GRIK2: variants seen among roughly 807,000 people sequenced by gnomAD.
GRIK2 encodes the protein glutamate receptor ionotropic, kainate 2.
Under a neutral mutation model 100.3 loss-of-function variants are expected in GRIK2, and 32 were observed. The ratio of observed to expected loss-of-function variants is 0.32; its 90% CI spans 0.24 to 0.43. GRIK2 has a LOEUF of 0.43. Among genes scored for constraint, GRIK2 ranks in the 20% least tolerant of loss-of-function variants. The pLI is 1.00. For missense variants in GRIK2, 843 were observed against 1,114.9 expected, an observed-to-expected ratio of 0.76 and a Z score of 3.47; for synonymous variants, 417 against 389.4, an observed-to-expected ratio of 1.07 and a Z score of -0.83.
At chr6:101,576,747 TGA>T (rs1777808429) in intron 2 of GRIK2, among the ~76,000 whole-genome samples, 1 of 152,044 alleles carries the variant, frequency 6.6e-6, no homozygotes, top group Non-Finnish European at 1.5e-5. Flanking sequence ...TCTGTGTAAA[TGA>T]GGAGAATTGC....
At chr6:101,473,726 G>T (rs957556840) in intron 2 of GRIK2, among the ~76,000 whole-genome samples, 1 of 151,644 alleles carries the variant, frequency 6.6e-6, no homozygotes, top group African/African-American at 2.4e-5. Flanking sequence ...CAACGTACTG[G>T]GTGCCCTTAG....
intron 4 of GRIK2, among the ~76,000 whole-genome samples, chr6:101,660,419 T>C (rs1769525204): frequency 6.6e-6 from 1 of 152,168 alleles, no homozygotes; most frequent in Non-Finnish European, 1.5e-5. Context: ...GGTTAGAACA[T>C]GCTCCTTTAG....
At chr6:101,845,690 C>T (rs1783766870) in intron 10 of GRIK2, among the ~76,000 whole-genome samples, 1 of 152,122 alleles carries the variant, frequency 6.6e-6, no homozygotes, top group Admixed American at 6.6e-5. Context: ...AATAGCATTG[C>T]TGAGTTTTAT....
chr6:101,591,854 T>C (rs1422519784), intron 2 of GRIK2, among the ~76,000 whole-genome samples: 1 of 152,028 alleles, frequency 6.6e-6, no homozygotes, highest in Non-Finnish European at 1.5e-5. Context: ...ATTATATTCA[T>C]TGGTGATATG....
At chr6:102,024,209 G>A (rs1410057082) in intron 14 of GRIK2, among the ~76,000 whole-genome samples, 2 of 150,838 alleles carry the variant, frequency 1.3e-5, no homozygotes, top group African/African-American at 4.8e-5. Flanking sequence ...GACTCTGAGT[G>A]ACTTGTCAGT....
intron 7 of GRIK2, among the ~76,000 whole-genome samples, chr6:101,784,847 T>C (rs1779324809): frequency 6.6e-6 from 1 of 152,202 alleles, no homozygotes; most frequent in Admixed American, 6.5e-5. Flanking sequence ...ATTAAACCTC[T>C]TTTGTTTATA....
chr6:102,055,015 C>G (rs776229856), intron 15 of GRIK2, among the ~76,000 whole-genome samples: 26 of 152,154 alleles, frequency 1.7e-4, no homozygotes, highest in Non-Finnish European at 3.5e-4. Flanking sequence ...AATGAAACAT[C>G]TTTGCACTCT....
intron 7 of GRIK2, among the ~76,000 whole-genome samples, chr6:101,739,502 G>A (rs940349199): frequency 1.3e-5 from 2 of 152,088 alleles, no homozygotes; most frequent in Non-Finnish European, 1.5e-5. Context: ...ACTGGCTCAA[G>A]GACCCTGGGC....
intron 16 of GRIK2, among the ~76,000 whole-genome samples, chr6:102,062,903 GTTA>G (rs890965237): frequency 1.8e-4 from 27 of 150,274 alleles, no homozygotes; most frequent in African/African-American, 6.5e-4. Context: ...TTCCATTTTA[GTTA>G]TTATTATTAT....
At chr6:101,402,859 G>A (rs535825718) in intron 2 of GRIK2, among the ~76,000 whole-genome samples, 56 of 152,302 alleles carry the variant, frequency 3.7e-4, no homozygotes, top group African/African-American at 1.3e-3. Flanking sequence ...CCGCAGCTGC[G>A]TCCCGGCCTT....
chr6:101,583,227 G>A (rs1778186584), intron 2 of GRIK2, among the ~76,000 whole-genome samples: 1 of 152,096 alleles, frequency 6.6e-6, no homozygotes, highest in African/African-American at 2.4e-5. Flanking sequence ...GAGTCGGCTG[G>A]TGGAGGGATA....
chr6:102,028,145 A>G (rs1769799367), intron 14 of GRIK2, among the ~76,000 whole-genome samples: 1 of 151,176 alleles, frequency 6.6e-6, no homozygotes, highest in Non-Finnish European at 1.5e-5. Context: ...AAATGTCTAT[A>G]AGTTTTAAAT....
chr6:101,648,227 G>C (rs979562093), intron 4 of GRIK2, among the ~76,000 whole-genome samples: 4 of 152,006 alleles, frequency 2.6e-5, no homozygotes, highest in Non-Finnish European at 5.9e-5. Flanking sequence ...AATAGACTCA[G>C]TACAATTGGA....
At chr6:101,761,028 T>G (rs1777624320) in intron 7 of GRIK2, among the ~76,000 whole-genome samples, 1 of 152,046 alleles carries the variant, frequency 6.6e-6, no homozygotes, top group African/African-American at 2.4e-5. Context: ...TCTTCAGAAA[T>G]GAATCTGAAC....
intron 2 of GRIK2, among the ~76,000 whole-genome samples, chr6:101,618,623 A>C (rs1291831324): frequency 1.3e-5 from 2 of 151,804 alleles, no homozygotes; most frequent in South Asian, 2.1e-4. Flanking sequence ...TATACTTCAC[A>C]TGTTGAAGCA....
chr6:101,805,673 C>T (rs1437955496), intron 9 of GRIK2, among the ~76,000 whole-genome samples: 3 of 151,764 alleles, frequency 2.0e-5, no homozygotes, highest in Admixed American at 2.0e-4. Flanking sequence ...AGGAAACCTG[C>T]CAATAATAAA....
intron 14 of GRIK2, among the ~76,000 whole-genome samples, chr6:101,935,321 T>A (rs1790546713): frequency 6.6e-6 from 1 of 151,930 alleles, no homozygotes; most frequent in African/African-American, 2.4e-5. Flanking sequence ...TTATTTATTT[T>A]GAGTTGAATA....
At position 101,440,544 on chromosome 6, in the gene GRIK2, A is replaced by G. The variant is rs529893651; in HGVS notation, c.115+41152A>G. ...GAAGGAAAATCATTTGAGGAAGATT[A>G]TTATGCCCAGTTGGAAGTAACTGGA... On this transcript the variant is annotated intron_variant, in intron 2 of 16. Transcript: ENST00000369134. 2.0e-5 allele frequency among the ~76,000 whole-genome samples: 3 copies of G among 152,306 alleles called. No homozygotes were observed. The East Asian group carries it at 5.8e-4, about 29-fold the overall frequency.
intron 7 of GRIK2, among the ~76,000 whole-genome samples, chr6:101,778,226 A>T (rs1778869800): frequency 6.6e-6 from 1 of 152,190 alleles, no homozygotes; most frequent in Non-Finnish European, 1.5e-5. Flanking sequence ...AGGAAGAAAG[A>T]AGATACAAAT....
Sources: gnomAD v4.1 joint callset for allele counts (sites outside exome capture counted in the v4.1 genomes callset) on GRCh38, gnomAD v4.1.1 for gene constraint, MANE v1.5 for transcripts, NCBI Gene and HGNC (gene_info 2026-07-23, HGNC 2026-07-21) for gene names.